The following CDKAL1 variants were observed in gnomAD, a reference collection of about 807,000 sequenced individuals.
CDKAL1 encodes the protein threonylcarbamoyladenosine tRNA methylthiotransferase.
A neutral mutation model predicts 68.2 loss-of-function variants in CDKAL1; 32 were observed. The ratio of observed to expected loss-of-function variants is 0.47; its 90% confidence interval spans 0.35 to 0.63. The LOEUF is 0.63. CDKAL1 is among the 30% of genes least tolerant of loss of function. CDKAL1 has a pLI of 0.00. For missense variants in CDKAL1, 606 were observed against 696.7 expected (o/e 0.87, Z 1.47); for synonymous variants, 234 against 244.3 (o/e 0.96, Z 0.39).
At chr6:20,867,601 G>A (rs1759977806) in intron 9 of CDKAL1, among the ~76,000 whole-genome samples, 1 of 152,136 alleles carries the variant, frequency 6.6e-6, no homozygotes, top group Admixed American at 6.5e-5. Flanking sequence ...ATGTTTTCAG[G>A]CCAATTTCAG....
At chr6:21,122,859 G>T (rs1318214279) in intron 13 of CDKAL1, among the ~76,000 whole-genome samples, 5 of 144,050 alleles carry the variant, frequency 3.5e-5, no homozygotes, top group African/African-American at 1.3e-4. Flanking sequence ...TGCCCAGGCT[G>T]GTCTCAAACT....
intron 7 of CDKAL1, among the ~76,000 whole-genome samples, chr6:20,775,116 C>T (rs1039990647): frequency 1.7e-4 from 26 of 152,218 alleles, no homozygotes; most frequent in African/African-American, 5.1e-4. Flanking sequence ...CTTCCTTTCT[C>T]ATCTTTTTAT....
At position 21,171,405 on chromosome 6, in the gene CDKAL1, G is replaced by A. The variant is rs186704916; in HGVS notation, c.1300-26616G>A. The stretch of plus-strand genomic sequence containing the variant: ...TTTTTGTATTTTTTTAGTAGAGATG[G>A]GGTTCACCATGTTAGCCAGGCTGGT... On this transcript the variant is annotated intron_variant, in intron 13 of 15. Coordinates refer to ENST00000274695, the MANE Select transcript of CDKAL1 (RefSeq NM_017774.3). Among the ~76,000 whole-genome samples, 453 of 152,020 alleles carry A rather than the reference G, an allele frequency of 3.0e-3. 2 individuals are homozygous for A. The highest frequency in any genetic ancestry group is 0.01 in the African/African-American group (433 of 41,462).
chr6:20,670,014 A>T (rs1769735228), intron 5 of CDKAL1, among the ~76,000 whole-genome samples: 2 of 152,286 alleles, frequency 1.3e-5, no homozygotes, highest in East Asian at 1.9e-4. Flanking sequence ...TTTTACTTCA[A>T]CTGGATAGGA....
At chr6:21,030,094 G>A (rs1769190987) in intron 11 of CDKAL1, among the ~76,000 whole-genome samples, 1 of 152,150 alleles carries the variant, frequency 6.6e-6, no homozygotes, top group African/African-American at 2.4e-5. Flanking sequence ...ATCAATGATA[G>A]ACTGGACAAA....
At chr6:20,649,130 C>A (rs1158507768) in intron 4 of CDKAL1, among the ~76,000 whole-genome samples, 163 bp from the exon 5 acceptor site, 1 of 152,170 alleles carries the variant, frequency 6.6e-6, no homozygotes, top group Admixed American at 6.5e-5. Flanking sequence ...TTATTGTTCA[C>A]AAATATTTCC....
chr6:20,684,202 G>A (rs946177208), intron 5 of CDKAL1, among the ~76,000 whole-genome samples: 25 of 152,206 alleles, frequency 1.6e-4, no homozygotes, highest in Admixed American at 3.3e-4. Context: ...CGCACTTTGG[G>A]AGGCCAAGGT....
intron 8 of CDKAL1, among the ~76,000 whole-genome samples, chr6:20,785,314 CTT>C (rs5874783): frequency 1.0e-3 from 99 of 96,060 alleles, no homozygotes; most frequent in Admixed American, 1.2e-3. Flanking sequence ...ATTTCTTTTT[CTT>C]TTTTTTTTTT....
chr6:20,706,525 A>G (rs1562040751), intron 5 of CDKAL1, among the ~76,000 whole-genome samples: 1 of 152,170 alleles, frequency 6.6e-6, no homozygotes, highest in Non-Finnish European at 1.5e-5. Flanking sequence ...TTTTAGATTT[A>G]TAACATTTTA....
chr6:20,756,856 C>CTTCCT (rs1561750039), intron 6 of CDKAL1: 1 of 36,576 alleles, frequency 2.7e-5, no homozygotes, highest in African/African-American at 1.3e-4. Context: ...TCCTTCTCCC[C>CTTCCT]TTCCTTCCTT....
intron 9 of CDKAL1, among the ~76,000 whole-genome samples, chr6:20,867,958 A>G (rs546791482): frequency 6.6e-6 from 1 of 152,172 alleles, no homozygotes; most frequent in South Asian, 2.1e-4. Context: ...TAGTACATCT[A>G]TATGGATGTA....
At chr6:20,664,419 G>A (rs1006555759) in intron 5 of CDKAL1, among the ~76,000 whole-genome samples, 18 of 152,074 alleles carry the variant, frequency 1.2e-4, no homozygotes, top group Admixed American at 2.6e-4. Context: ...CATAAATTTC[G>A]TTTCCATTAC....
intron 10 of CDKAL1, among the ~76,000 whole-genome samples, chr6:20,967,601 C>A (rs944526701): frequency 6.6e-6 from 1 of 152,154 alleles, no homozygotes; most frequent in African/African-American, 2.4e-5. Flanking sequence ...ATAATTAGCA[C>A]TTTGTGCAGT....
At position 20,739,607 on chromosome 6, in the gene CDKAL1, A is replaced by G. The variant is rs756913034; in HGVS notation, c.460A>G (p.Ile154Val). 12 of 1,601,238 alleles carry G rather than the reference A, an allele frequency of 7.5e-6. No homozygotes were observed. In the South Asian group the frequency reaches 1.1e-4, roughly 15 times the overall value. The change falls in exon 6 of 16, where the codon ATC becomes GTC. Residue 154 changes from isoleucine to valine, a missense_variant. Ile to Val is a conservative substitution (Grantham distance 29). Coordinates refer to ENST00000274695, the MANE Select transcript of CDKAL1 (RefSeq NM_017774.3). ...CCAGGACTACCTTAAGGGACTGAGT[A>G]TCATTGGGGTAAGCTTGTACCTGAT... The part of the protein sequence containing the change: ...PRQDYLKGLS[I>V]IGVQQIDRVV...
At chr6:21,069,217 C>T (rs1396560084) in intron 12 of CDKAL1, among the ~76,000 whole-genome samples, 1 of 152,082 alleles carries the variant, frequency 6.6e-6, no homozygotes, top group Non-Finnish European at 1.5e-5. Flanking sequence ...TAGAATTGGG[C>T]ATCTTTCTCT....
At chr6:21,199,437 G>A (rs1458171449) in intron 14 of CDKAL1, among the ~76,000 whole-genome samples, 1 of 152,142 alleles carries the variant, frequency 6.6e-6, no homozygotes, top group African/African-American at 2.4e-5. Context: ...TACCCCAGAG[G>A]GCCATTTTCC....
At position 20,869,473 on chromosome 6, in the gene CDKAL1, A is replaced by G. The variant is rs537008511; in HGVS notation, c.742+23295A>G. On this transcript the variant is annotated intron_variant, in intron 9 of 15. Transcript: ENST00000274695. Reference sequence around the variant, plus strand: ...GTGTTTTATTTCTACAGGCCGATGTAGTTTTTGTCTCAAATATAACAAAAA... The same window carrying G: ...GTGTTTTATTTCTACAGGCCGATGTGGTTTTTGTCTCAAATATAACAAAAA... Among the ~76,000 whole-genome samples, 4 of 152,330 alleles carry G rather than the reference A, an allele frequency of 2.6e-5. No homozygotes were observed. In the South Asian group the frequency reaches 8.3e-4, roughly 32 times the overall value.
intron 10 of CDKAL1, among the ~76,000 whole-genome samples, chr6:20,961,459 G>A (rs982566224): frequency 6.6e-6 from 1 of 152,110 alleles, no homozygotes; most frequent in Non-Finnish European, 1.5e-5. Context: ...AGGGGGAGGT[G>A]GGAGAGGTTC....
chr6:20,685,243 G>A (rs1770564552), intron 5 of CDKAL1, among the ~76,000 whole-genome samples: 1 of 152,134 alleles, frequency 6.6e-6, no homozygotes, highest in African/African-American at 2.4e-5. Flanking sequence ...TTCTACCACC[G>A]TTTTTTGAAG....
Sources: gnomAD v4.1 joint callset for allele counts (sites outside exome capture counted in the v4.1 genomes callset) on GRCh38, gnomAD v4.1.1 for gene constraint, MANE v1.5 for transcripts, NCBI Gene and HGNC (gene_info 2026-07-23, HGNC 2026-07-21) for gene names.